EMILIN2: variants seen among roughly 807,000 people sequenced by gnomAD.
The protein encoded by EMILIN2 is EMILIN-2.
A neutral mutation model predicts 87.1 loss-of-function variants in EMILIN2; 71 were observed. The ratio of observed to expected loss-of-function variants is 0.82; its 90% CI spans 0.67 to 0.99. The LOEUF (loss-of-function observed/expected upper bound fraction) is 0.99. Ranked by LOEUF, EMILIN2 falls within the 50% of genes least tolerant of loss-of-function variation. The pLI, the probability that EMILIN2 is intolerant of heterozygous loss-of-function variation, is 0.00. For missense variants in EMILIN2, 1,407 were observed against 1,371.8 expected (o/e 1.03, Z -0.40); for synonymous variants, 581 against 563.4 (o/e 1.03, Z -0.44).
intron 2 of EMILIN2, 57 bp from the exon 3 acceptor site, chr18:2,884,907 C>G (rs1181667881): frequency 6.6e-7 from 1 of 1,523,780 alleles, no homozygotes; most frequent in South Asian, 1.3e-5. Flanking sequence ...GGTCTAGCGC[C>G]GGAAGTTGCT....
chr18:2,874,066 T>G (rs558098074), intron 2 of EMILIN2, among the ~76,000 whole-genome samples: 48 of 152,318 alleles, frequency 3.2e-4, no homozygotes, highest in African/African-American at 1.1e-3. Flanking sequence ...GTCACCAACC[T>G]TAAAAGTCCG....
intron 5 of EMILIN2, 85 bp downstream of exon 5, chr18:2,907,170 G>A (rs918412600): frequency 4.1e-6 from 5 of 1,206,486 alleles, no homozygotes; most frequent in East Asian, 3.3e-5. Flanking sequence ...GGGGCGTGGC[G>A]GTTCGGGGTC....
rs1470074187 is a variant in EMILIN2 at position 2,890,420 on chromosome 18, C to T, written c.434-141C>T. The T allele has an allele frequency of 6.2e-6, 6 of 969,860 alleles. No individual in the cohort carries two copies. Among genetic ancestry groups the T allele is most frequent in the East Asian group, 5.1e-5 (2 of 39,070 alleles). 60.1% of individuals were successfully genotyped at this position (969,860 alleles called of 1,614,324 possible). A position where few individuals can be genotyped will look rare whatever the true frequency, so the allele number is the denominator to read the frequency against. ...AAAGCCCATACTCTTTTCTACTGTA[C>T]CACAGTACTTACCTACAATTGTGTA... On this transcript the variant is annotated intron_variant, in intron 3 of 7. Transcript: ENST00000254528. The surrounding 1 kb of genome is among the most constrained non-coding windows in gnomAD (Gnocchi z 4.7).
intron 2 of EMILIN2, among the ~76,000 whole-genome samples, chr18:2,855,428 A>G (rs1444414408): frequency 1.3e-5 from 2 of 152,244 alleles, no homozygotes; most frequent in African/African-American, 4.8e-5. Context: ...CTTACACAAC[A>G]GTGAATAGCA....
intron 4 of EMILIN2, among the ~76,000 whole-genome samples, chr18:2,896,528 C>A (rs1021035920): frequency 4.6e-5 from 7 of 152,180 alleles, no homozygotes; most frequent in Non-Finnish European, 8.8e-5. Context: ...GGCTAGAGTA[C>A]AGTGGTGCAA....
chr18:2,888,624 A>G (rs1052035417), intron 3 of EMILIN2, among the ~76,000 whole-genome samples: 1 of 151,420 alleles, frequency 6.6e-6, no homozygotes, highest in African/African-American at 2.4e-5. Flanking sequence ...CTGAGGCAGG[A>G]GAATGGCGTG....
At chr18:2,870,870 C>A (rs528359447) in intron 2 of EMILIN2, among the ~76,000 whole-genome samples, 5 of 152,308 alleles carry the variant, frequency 3.3e-5, no homozygotes, top group Non-Finnish European at 2.9e-5. Flanking sequence ...AGATGTCCGT[C>A]TTCTCCCTGT....
At chr18:2,910,925 T>TA (rs2076937637) in intron 7 of EMILIN2, among the ~76,000 whole-genome samples, 1 of 152,330 alleles carries the variant, frequency 6.6e-6, no homozygotes, top group Non-Finnish European at 1.5e-5. Flanking sequence ...GAACGCCACT[T>TA]ACTTTCCACC....
At chr18:2,905,791 T>G (rs1370561265) in intron 4 of EMILIN2, among the ~76,000 whole-genome samples, 2 of 150,546 alleles carry the variant, frequency 1.3e-5, no homozygotes, top group African/African-American at 4.9e-5. Context: ...TTGTTTTTTT[T>G]TTTTGGATAT....
At chr18:2,856,011 G>A (rs141944564) in intron 2 of EMILIN2, among the ~76,000 whole-genome samples, 90 of 152,300 alleles carry the variant, frequency 5.9e-4, no homozygotes, top group African/African-American at 2.1e-3. Context: ...AGGCTAAAAT[G>A]CTCACGGTTG....
In EMILIN2 at chr18:2,848,960, T is replaced by G. The variant is rs896478860; in HGVS notation, c.257+1029T>G. 6.6e-6 allele frequency among the ~76,000 whole-genome samples: 1 copy of G among 152,280 alleles called. No individual in the cohort carries two copies. On this transcript the variant is annotated intron_variant, in intron 2 of 7. Coordinates refer to ENST00000254528, the MANE Select transcript of EMILIN2 (RefSeq NM_032048.3). The surrounding 1 kb of genome is among the most constrained non-coding windows in gnomAD (Gnocchi z 4.1). ...AAGTGGTCGCTGGGTCCACCCCACG[T>G]GGGCTTCTGGAGGAGCTGCCAACAG...
intron 4 of EMILIN2, among the ~76,000 whole-genome samples, chr18:2,897,037 A>G (rs2144050057): frequency 6.6e-6 from 1 of 152,346 alleles, no homozygotes; most frequent in Admixed American, 6.5e-5. Flanking sequence ...AGCATTCTCA[A>G]AGGCTATGAG....
chr18:2,913,014 G>T, intron 7 of EMILIN2, 53 bp from the exon 8 acceptor site: 5 of 1,583,534 alleles, frequency 3.2e-6, no homozygotes, highest in Non-Finnish European at 3.4e-6. Context: ...TACTACCATG[G>T]CAAGGGCTGT....
chr18:2,903,546 C>A (rs1035142075), intron 4 of EMILIN2, among the ~76,000 whole-genome samples: 1 of 152,144 alleles, frequency 6.6e-6, no homozygotes, highest in East Asian at 1.9e-4. Flanking sequence ...ATTGACCCCC[C>A]CTTCCTCCCA....
At chr18:2,887,912 C>A (rs1404316919) in intron 3 of EMILIN2, among the ~76,000 whole-genome samples, 2 of 152,150 alleles carry the variant, frequency 1.3e-5, no homozygotes, top group Non-Finnish European at 2.9e-5. Context: ...AGTGATCCTC[C>A]CACCTCAGCA....
At chr18:2,859,129 T>C (rs1455287938) in intron 2 of EMILIN2, among the ~76,000 whole-genome samples, 1 of 152,190 alleles carries the variant, frequency 6.6e-6, no homozygotes, top group Non-Finnish European at 1.5e-5. Context: ...TTTAGTTCTT[T>C]AAGGAACCCC....
chr18:2,846,719 G>T (rs1348763022), upstream of EMILIN2: 1 of 981,690 alleles, frequency 1.0e-6, no homozygotes, highest in African/African-American at 1.7e-5. The surrounding 1 kb of genome is among the most constrained non-coding windows in gnomAD (Gnocchi z 5.3). Flanking sequence ...CGCGTCCCGG[G>T]GGGCCGGGAG....
chr18:2,898,358 C>A (rs1250091724), intron 4 of EMILIN2, among the ~76,000 whole-genome samples: 1 of 152,222 alleles, frequency 6.6e-6, no homozygotes, highest in Non-Finnish European at 1.5e-5. Context: ...AGCCCGCCCT[C>A]CCCAGCTGGC....
chr18:2,884,877 C>A (rs1310464546), intron 2 of EMILIN2, 87 bp from the exon 3 acceptor site: 4 of 1,429,986 alleles, frequency 2.8e-6, no homozygotes, highest in Non-Finnish European at 3.8e-6. Context: ...GTCCTGCATG[C>A]CCTGAGTCCT....
Sources: gnomAD v4.1 joint callset for allele counts (sites outside exome capture counted in the v4.1 genomes callset) on GRCh38, gnomAD v4.1.1 for gene constraint, Gnocchi (gnomAD v3.1) non-coding constraint, MANE v1.5 for transcripts, NCBI Gene and HGNC (gene_info 2026-07-23, HGNC 2026-07-21) for gene names.